The following CD27 variants were observed in gnomAD, a reference collection of about 807,000 sequenced individuals.
The protein encoded by CD27 is CD27 antigen.
In CD27, 16 loss-of-function variants were observed where a neutral mutation model predicts 25.9. The observed-to-expected ratio is 0.62, with a 90% CI of 0.42 to 0.94. The LOEUF (loss-of-function observed/expected upper bound fraction) is 0.94. Ranked by LOEUF, CD27 falls within the 40% of genes least tolerant of loss-of-function variation. The pLI is 0.00. For missense variants in CD27, 300 were observed against 333.2 expected (o/e 0.90, Z 0.78); for synonymous variants, 142 against 124.3 (o/e 1.14, Z -0.95).
At chr12:6,447,982 A>C (rs755269755) in intron 2 of CD27, 3 of 152,214 alleles carry the variant, frequency 2.0e-5, no homozygotes, top group Non-Finnish European at 4.4e-5. Flanking sequence ...CCCCTCCTGC[A>C]CTGTCCCAGG....
Position 6,450,564 on chromosome 12 carries a change from G to A in CD27, c.472G>A (p.Gly158Arg), listed in dbSNP as rs771670473. The change falls in exon 4 of 6, where the codon GGG (glycine) becomes AGG (arginine). Residue 158 changes from glycine to arginine, a missense_variant. Gly to Arg is a moderately radical substitution (Grantham distance 125). Transcript: ENST00000266557. The surrounding 1 kb of genome is among the most constrained non-coding windows in gnomAD (Gnocchi z 4.1). ...AGAGATGCTGGAGGCCAGGACAGCT[G>A]GGCACATGCAGACTCTGGCTGACTT... ...VSEMLEARTA[G>R]HMQTLADFRQ... The A allele has an allele frequency of 6.2e-6, 10 of 1,613,390 alleles. No individual in the cohort carries two copies. In the South Asian group the frequency reaches 1.1e-4, roughly 18 times the overall value.
chr12:6,445,496 CCTT>C lies in CD27; in HGVS notation c.212_214del (p.Phe71del). 1 of 1,614,056 alleles carries C rather than the reference CCTT, an allele frequency of 6.2e-7. No individual in the cohort carries two copies. The highest frequency in any genetic ancestry group is 2.2e-5 in the East Asian group (1 of 44,886). On this transcript the variant is annotated inframe_deletion, in exon 2 of 6. Coordinates refer to ENST00000266557, the MANE Select transcript of CD27 (RefSeq NM_001242.5). This position sits in a 1 kb window ranked among gnomAD's most constrained non-coding sequence, Gnocchi z 4.5. ...TGTGATCCTTGCATACCGGGGGTCT[CCTT>C]CTCTCCTGACCACCACACCCGGCCC...
rs1487108862 is a variant in CD27 at position 6,445,586 on chromosome 12, C to T, written c.268+31C>T. On this transcript the variant is annotated intron_variant, in intron 2 of 5. Transcript: ENST00000266557. This position sits in a 1 kb window ranked among gnomAD's most constrained non-coding sequence, Gnocchi z 4.5. The stretch of plus-strand genomic sequence containing the variant: ...GTGGGCAAGGGTGTGTAGGTGGGGA[C>T]GATGGACAAGCATCTGGGGGAGCAA... The T allele has an allele frequency of 3.7e-6, 6 of 1,608,156 alleles. No homozygotes were observed. The highest frequency in any genetic ancestry group is 2.2e-5 in the South Asian group (2 of 90,792).
chr12:6,444,670 G>A (rs1200807446), upstream of CD27, among the ~76,000 whole-genome samples: 2 of 139,602 alleles, frequency 1.4e-5, no homozygotes, highest in South Asian at 2.5e-4. Context: ...TGGGTGGGGG[G>A]GGGTAACGTG....
chr12:6,447,556 T>C (rs1949434818), intron 2 of CD27: 1 of 152,276 alleles, frequency 6.6e-6, no homozygotes, highest in African/African-American at 2.4e-5. Flanking sequence ...GCCCAGGTTA[T>C]ACCTGGTAAA....
intron 2 of CD27, among the ~76,000 whole-genome samples, chr12:6,449,407 G>A (rs1174931134): frequency 2.7e-5 from 4 of 146,224 alleles, no homozygotes; most frequent in Non-Finnish European, 4.5e-5. Context: ...TCCACCTCCC[G>A]GGTTCAAGCA....
Position 6,450,286 on chromosome 12 carries a change from C to T in CD27, c.382C>T (p.Leu128=), listed in dbSNP as rs1949503345. Reference sequence around the variant, plus strand: ...GTGTGATCCTCTTCCAAACCCTTCGCTGACCGCTCGGTCGTCTCAGGCCCT... The same window carrying T: ...GTGTGATCCTCTTCCAAACCCTTCGTTGACCGCTCGGTCGTCTCAGGCCCT... The part of the protein sequence containing the change: ...TECDPLPNPS[L]TARSSQALSP... Residue 128 remains leucine (L), a synonymous_variant, in exon 3 of 6, where the codon CTG becomes TTG. Transcript: ENST00000266557. This position sits in a 1 kb window ranked among gnomAD's most constrained non-coding sequence, Gnocchi z 4.1. 2 of 1,613,784 alleles carry T rather than the reference C, an allele frequency of 1.2e-6. No individual in the cohort carries two copies. The highest frequency in any genetic ancestry group is 8.5e-7 in the Non-Finnish European group (1 of 1,180,022).
At chr12:6,444,353 G>C (rs1204138209), upstream of CD27, among the ~76,000 whole-genome samples, 4 of 152,140 alleles carry the variant, frequency 2.6e-5, no homozygotes, top group African/African-American at 4.8e-5. Flanking sequence ...CCTCAATTGA[G>C]ACAAGGCTAT....
At chr12:6,447,430 G>A (rs771537548) in intron 2 of CD27, 2 of 152,094 alleles carry the variant, frequency 1.3e-5, no homozygotes, top group East Asian at 1.9e-4. Context: ...AAGGACCCCC[G>A]GGAAATGCAG....
chr12:6,444,999 G>C lies in CD27; in HGVS notation c.-97G>C. The C allele has an allele frequency of 5.1e-6, 7 of 1,360,466 alleles. No homozygotes were observed. The highest frequency in any genetic ancestry group is 6.8e-6 in the Non-Finnish European group (7 of 1,025,748). 84.3% of individuals were successfully genotyped at this position (1,360,466 alleles called of 1,614,324 possible). A position where few individuals can be genotyped will look rare whatever the true frequency, so the allele number is the denominator to read the frequency against. On this transcript the variant is annotated 5_prime_UTR_variant, in exon 1 of 6. Transcript: ENST00000266557. ...ACCTGAAGCAGCCACTGCCCAGGGG[G>C]TGCAAAGAAGAGACAGCAGCGCCCA...
rs1592124700 is a variant in CD27 at position 6,451,433 on chromosome 12, C to T, written c.*41C>T. ...AGCTGCACTACAGCCCTGGCCTCCACCCCCACCCCGCCGACCATCCAAGGG... is the reference window on the plus strand; with the variant it reads ...AGCTGCACTACAGCCCTGGCCTCCATCCCCACCCCGCCGACCATCCAAGGG... On this transcript the variant is annotated 3_prime_UTR_variant, in exon 6 of 6. Transcript: ENST00000266557. 1 of 1,587,888 alleles carries T rather than the reference C, an allele frequency of 6.3e-7. No homozygotes were observed. The highest frequency in any genetic ancestry group is 2.2e-5 in the East Asian group (1 of 44,716).
chr12:6,449,733 C>T (rs1949485130), intron 2 of CD27, among the ~76,000 whole-genome samples: 1 of 151,856 alleles, frequency 6.6e-6, no homozygotes, highest in Non-Finnish European at 1.5e-5. Flanking sequence ...ACCTGTAATC[C>T]CAGCTACTTG....
At chr12:6,444,602 A>AT, upstream of CD27, among the ~76,000 whole-genome samples, 1 of 130,472 alleles carries the variant, frequency 7.7e-6, no homozygotes, top group East Asian at 2.2e-4. Context: ...GAAAGGAGGG[A>AT]TGCAGGTATG....
chr12:6,447,754 G>C (rs1949440120), intron 2 of CD27: 1 of 151,956 alleles, frequency 6.6e-6, no homozygotes, highest in African/African-American at 2.4e-5. Context: ...ATTTACATTA[G>C]GTATATCTCC....
rs1033754766 is a variant in CD27, at chr12:6,445,869, C to A, written c.268+314C>A. ...TGACCCCAGATTTCGGGCAAGCAAC[C>A]CCCAACCAATAAACTGACTGTGTTC... On this transcript the variant is annotated intron_variant, in intron 2 of 5. Coordinates refer to ENST00000266557, the MANE Select transcript of CD27 (RefSeq NM_001242.5). This position sits in a 1 kb window ranked among gnomAD's most constrained non-coding sequence, Gnocchi z 4.5. Among the ~76,000 whole-genome samples, 18 of 152,054 alleles carry A rather than the reference C, an allele frequency of 1.2e-4. No individual in the cohort carries two copies. The highest frequency in any genetic ancestry group is 4.1e-4 in the African/African-American group (17 of 41,370).
In CD27 at chr12:6,445,232, G is replaced by A; in HGVS notation, c.136+1G>A. ...CTGTGCTGCCAGATGTGTGAGCCAG[G>A]TAAGAGGGGGCCTTGGTAAGGGCCA... On this transcript the variant is annotated splice_donor_variant, in intron 1 of 5. Transcript: ENST00000266557. LOFTEE classifies it high-confidence loss of function. The surrounding 1 kb of genome is among the most constrained non-coding windows in gnomAD (Gnocchi z 4.5). 3 of 1,614,048 alleles carry A rather than the reference G, an allele frequency of 1.9e-6. No homozygotes were observed. Among genetic ancestry groups the A allele is most frequent in the Non-Finnish European group, 2.5e-6 (3 of 1,179,982 alleles).
intron 2 of CD27, among the ~76,000 whole-genome samples, chr12:6,449,528 C>T (rs1385398325): frequency 2.6e-5 from 4 of 152,008 alleles, no homozygotes; most frequent in Middle Eastern, 3.2e-3. Flanking sequence ...CCTCTCTGTA[C>T]GTATATTATA....
Position 6,445,414 on chromosome 12 carries a change from C to T in CD27, c.137-10C>T. 6.2e-7 allele frequency: 1 copy of T among 1,614,140 alleles called. No individual in the cohort carries two copies. The highest frequency in any genetic ancestry group is 1.3e-5 in the African/African-American group (1 of 75,064). Reference sequence around the variant, plus strand: ...TTCTCAGGCCTTGATCCCTTACCCTCTCCTCCCAGGAACATTCCTCGTGAA... The same window carrying T: ...TTCTCAGGCCTTGATCCCTTACCCTTTCCTCCCAGGAACATTCCTCGTGAA... On this transcript the variant is annotated splice_polypyrimidine_tract_variant and intron_variant, in intron 1 of 5. Transcript: ENST00000266557. This position sits in a 1 kb window ranked among gnomAD's most constrained non-coding sequence, Gnocchi z 4.5.
Position 6,450,580 on chromosome 12 carries a change from T to C in CD27, c.488T>C (p.Leu163Pro), listed in dbSNP as rs958102669. The C allele has an allele frequency of 1.4e-5, 23 of 1,613,368 alleles. No homozygotes were observed. The Admixed American group carries it at 2.7e-4, about 19-fold the overall frequency. Residue 163 changes from leucine (L) to proline (P), a missense_variant, in exon 4 of 6, where the codon CTG becomes CCG. By Grantham distance (98) the Leu-to-Pro change is moderately conservative. Coordinates refer to ENST00000266557, the MANE Select transcript of CD27 (RefSeq NM_001242.5). The surrounding 1 kb of genome is among the most constrained non-coding windows in gnomAD (Gnocchi z 4.1). ...EARTAGHMQT[L>P]ADFRQLPART... is the part of the protein sequence containing the mutation. ...AGGACAGCTGGGCACATGCAGACTC[T>C]GGCTGACTTCAGGCAGCTGCCTGCC...
Sources: allele counts gnomAD v4.1 joint callset (sites outside exome capture counted in the v4.1 genomes callset), GRCh38; gene constraint gnomAD v4.1.1; non-coding constraint Gnocchi (gnomAD v3.1); transcripts MANE v1.5; gene names NCBI Gene and HGNC (gene_info 2026-07-23, HGNC 2026-07-21).